The following MACROD2 variants were observed in gnomAD, a reference collection of about 807,000 sequenced individuals.
The protein encoded by MACROD2 is ADP-ribose glycohydrolase MACROD2.
In MACROD2, 36 loss-of-function variants were observed where a neutral mutation model predicts 70.4. The ratio of observed to expected loss-of-function variants is 0.51; its 90% confidence interval spans 0.39 to 0.68. MACROD2 has a LOEUF of 0.68. Among genes scored for constraint, MACROD2 ranks in the 30% least tolerant of loss-of-function variants. MACROD2 has a pLI of 0.00. For missense variants in MACROD2, 496 were observed against 538.4 expected (o/e 0.92, Z 0.78); for synonymous variants, 172 against 178.8 (o/e 0.96, Z 0.30).
At chr20:15,281,797 C>G (rs2077447134) in intron 6 of MACROD2, among the ~76,000 whole-genome samples, 1 of 152,210 alleles carries the variant, frequency 6.6e-6, no homozygotes, top group African/African-American at 2.4e-5. Flanking sequence ...CTTCTCACAG[C>G]TCCATTAGAC....
At chr20:15,663,967 T>A (rs534032779) in intron 8 of MACROD2, among the ~76,000 whole-genome samples, 18 of 152,334 alleles carry the variant, frequency 1.2e-4, no homozygotes, top group African/African-American at 4.1e-4. Flanking sequence ...TCCTTGTCTC[T>A]GGAAATCTTG....
intron 3 of MACROD2, among the ~76,000 whole-genome samples, chr20:14,268,215 T>C (rs902431881): frequency 6.6e-6 from 1 of 152,082 alleles, no homozygotes; most frequent in South Asian, 2.1e-4. Context: ...CTCTATACTT[T>C]AGCTTAGCAG....
chr20:15,462,988 T>G (rs2046838673), intron 7 of MACROD2, among the ~76,000 whole-genome samples: 2 of 152,260 alleles, frequency 1.3e-5, no homozygotes, highest in South Asian at 4.1e-4. Flanking sequence ...AAAAAGTTAT[T>G]TGCATTTTAT....
chr20:14,883,587 C>G (rs542918321), intron 5 of MACROD2, among the ~76,000 whole-genome samples: 1 of 107,762 alleles, frequency 9.3e-6, no homozygotes, highest in African/African-American at 3.9e-5. Flanking sequence ...CTGTCTATAT[C>G]TGACTCACTT....
chr20:14,562,571 T>C (rs533112447), intron 4 of MACROD2, among the ~76,000 whole-genome samples: 49 of 152,010 alleles, frequency 3.2e-4, no homozygotes, highest in South Asian at 8.3e-4. Flanking sequence ...GCAACAAAAA[T>C]GAGGCCTATA....
At chr20:14,765,092 A>G (rs1273154342) in intron 5 of MACROD2, among the ~76,000 whole-genome samples, 7 of 152,126 alleles carry the variant, frequency 4.6e-5, no homozygotes, top group Admixed American at 4.6e-4. Context: ...GCCCTCTTTA[A>G]ATTTGAGAAT....
intron 5 of MACROD2, among the ~76,000 whole-genome samples, chr20:15,174,192 A>G (rs1229162652): frequency 6.6e-6 from 1 of 152,168 alleles, no homozygotes; most frequent in Non-Finnish European, 1.5e-5. Context: ...CTCAAGTGCA[A>G]TGTCTCGTCT....
At chr20:15,673,809 A>G (rs897855955) in intron 8 of MACROD2, among the ~76,000 whole-genome samples, 2 of 150,246 alleles carry the variant, frequency 1.3e-5, no homozygotes, top group Non-Finnish European at 3.0e-5. Flanking sequence ...CCCTGATCTC[A>G]AGGAGCTTAT....
chr20:15,729,835 T>TTTTTTTTTTTGC (rs1555872090), intron 8 of MACROD2, among the ~76,000 whole-genome samples: 1 of 127,300 alleles, frequency 7.9e-6, no homozygotes, highest in African/African-American at 3.0e-5. Flanking sequence ...GTCATGCTTT[T>TTTTTTTTTTTGC]TTTTTTTTTT....
chr20:14,154,698 C>T (rs945809415), intron 3 of MACROD2, among the ~76,000 whole-genome samples: 1 of 151,952 alleles, frequency 6.6e-6, no homozygotes, highest in Non-Finnish European at 1.5e-5. Flanking sequence ...AGGCGTGAGC[C>T]ACCGCGCCCA....
At chr20:14,366,344 A>G (rs541946709) in intron 3 of MACROD2, among the ~76,000 whole-genome samples, 99 of 148,044 alleles carry the variant, frequency 6.7e-4, no homozygotes, top group African/African-American at 2.2e-3. Context: ...TTTTATCTAT[A>G]TATAGTGTCC....
At chr20:15,922,971 A>G (rs2065433249) in intron 10 of MACROD2, among the ~76,000 whole-genome samples, 3 of 142 alleles carry the variant, frequency 0.021, no homozygotes, top group African/African-American at 0.045. Flanking sequence ...TGAAAAGTCT[A>G]TTTTTGTCTA....
chr20:14,181,693 A>G (rs2081306815), intron 3 of MACROD2, among the ~76,000 whole-genome samples: 1 of 151,808 alleles, frequency 6.6e-6, no homozygotes, highest in African/African-American at 2.4e-5. Flanking sequence ...ATCTCTATAA[A>G]TTGGCCTCTT....
At chr20:14,845,392 A>G (rs2073129427) in intron 5 of MACROD2, among the ~76,000 whole-genome samples, 1 of 152,090 alleles carries the variant, frequency 6.6e-6, no homozygotes, top group Non-Finnish European at 1.5e-5. Flanking sequence ...AAGATTACTG[A>G]GAATTTCTTG....
At chr20:15,666,702 C>T (rs2049902050) in intron 8 of MACROD2, among the ~76,000 whole-genome samples, 1 of 152,112 alleles carries the variant, frequency 6.6e-6, no homozygotes, top group African/African-American at 2.4e-5. Flanking sequence ...AAGCACTGGG[C>T]ATATTAACTG....
intron 5 of MACROD2, among the ~76,000 whole-genome samples, chr20:14,904,659 T>G (rs2073937244): frequency 6.6e-6 from 1 of 152,162 alleles, no homozygotes; most frequent in Non-Finnish European, 1.5e-5. Context: ...TAATACCGCA[T>G]AACCCTTAAG....
chr20:15,946,770 T>C (rs1292258387), intron 12 of MACROD2, among the ~76,000 whole-genome samples: 1 of 152,242 alleles, frequency 6.6e-6, no homozygotes, highest in East Asian at 1.9e-4. Context: ...GAAAGAAAAG[T>C]GGGCCCAGGG....
chr20:14,245,057 C>T (rs568814844), intron 3 of MACROD2, among the ~76,000 whole-genome samples: 5 of 152,068 alleles, frequency 3.3e-5, no homozygotes, highest in South Asian at 4.1e-4. Context: ...ACTAAGACTA[C>T]GGAAGCTAAC....
chr20:14,459,146 A>G (rs947125979), intron 3 of MACROD2, among the ~76,000 whole-genome samples: 2 of 151,752 alleles, frequency 1.3e-5, no homozygotes, highest in Admixed American at 6.6e-5. Context: ...CTACTTCTTA[A>G]TAAAATTTTC....
Sources: gnomAD v4.1 joint callset for allele counts (sites outside exome capture counted in the v4.1 genomes callset) on GRCh38, gnomAD v4.1.1 for gene constraint, MANE v1.5 for transcripts, NCBI Gene and HGNC (gene_info 2026-07-23, HGNC 2026-07-21) for gene names.